Variants in CACNA2D3 observed in about 807,000 individuals in gnomAD.
The protein encoded by CACNA2D3 is voltage-dependent calcium channel subunit alpha-2/delta-3.
A neutral mutation model predicts 160.6 loss-of-function variants in CACNA2D3; 60 were observed. The ratio of observed to expected loss-of-function variants is 0.37; its 90% CI spans 0.30 to 0.46. The LOEUF (loss-of-function observed/expected upper bound fraction) is 0.46, where lower values mean the gene tolerates loss of function less well. Among genes scored for constraint, CACNA2D3 ranks in the 20% least tolerant of loss-of-function variants. The pLI, the probability that CACNA2D3 is intolerant of heterozygous loss-of-function variation, is 1.00. For missense variants in CACNA2D3, 1,205 were observed against 1,365.0 expected (o/e 0.88, Z 1.85); for synonymous variants, 558 against 492.9 (o/e 1.13, Z -1.75).
intron 11 of CACNA2D3, among the ~76,000 whole-genome samples, chr3:54,650,069 C>T (rs1699730529): frequency 6.6e-6 from 1 of 152,188 alleles, no homozygotes; most frequent in South Asian, 2.1e-4. Context: ...TGTTTTGAGC[C>T]ACAGAAGCAG....
chr3:54,847,385 A>C (rs1559603292), intron 17 of CACNA2D3, among the ~76,000 whole-genome samples: 1 of 152,174 alleles, frequency 6.6e-6, no homozygotes, highest in Non-Finnish European at 1.5e-5. Context: ...CACATACACA[A>C]ATGCATACAT....
chr3:54,547,374 C>G (rs1482278836), intron 5 of CACNA2D3, among the ~76,000 whole-genome samples: 1 of 152,162 alleles, frequency 6.6e-6, no homozygotes, highest in African/African-American at 2.4e-5. Flanking sequence ...TCCATCAAAA[C>G]CACCTCAGCA....
At chr3:54,512,438 A>G (rs1406609385) in intron 5 of CACNA2D3, among the ~76,000 whole-genome samples, 1 of 152,222 alleles carries the variant, frequency 6.6e-6, no homozygotes, top group Non-Finnish European at 1.5e-5. Flanking sequence ...TTGTTATAAG[A>G]ATGATGATAG....
chr3:54,284,395 A>G (rs1702958100), intron 2 of CACNA2D3, among the ~76,000 whole-genome samples: 1 of 151,822 alleles, frequency 6.6e-6, no homozygotes, highest in African/African-American at 2.4e-5. Flanking sequence ...GTAATATATT[A>G]TATATTTTAG....
intron 11 of CACNA2D3, among the ~76,000 whole-genome samples, chr3:54,740,735 G>T (rs1701632639): frequency 6.6e-6 from 1 of 152,200 alleles, no homozygotes; most frequent in Non-Finnish European, 1.5e-5. Context: ...TAGGTGAGGT[G>T]ACAGGGGAAA....
chr3:54,358,735 C>G (rs574190412), intron 3 of CACNA2D3, among the ~76,000 whole-genome samples: 2 of 152,268 alleles, frequency 1.3e-5, no homozygotes, highest in East Asian at 1.9e-4. Flanking sequence ...GGGAAATTGT[C>G]TATGAATCAA....
intron 13 of CACNA2D3, among the ~76,000 whole-genome samples, chr3:54,808,590 T>C (rs542858231): frequency 6.6e-6 from 1 of 152,310 alleles, no homozygotes; most frequent in South Asian, 2.1e-4. Flanking sequence ...GGCTTGGGTC[T>C]GGGTAATGTC....
intron 11 of CACNA2D3, among the ~76,000 whole-genome samples, chr3:54,747,239 A>C (rs1373660529): frequency 2.6e-5 from 4 of 152,038 alleles, no homozygotes; most frequent in African/African-American, 4.8e-5. Context: ...GAACCTCGGG[A>C]GGGTGGGTGC....
At chr3:54,831,341 G>A (rs1477482751) in intron 14 of CACNA2D3, among the ~76,000 whole-genome samples, 1 of 152,170 alleles carries the variant, frequency 6.6e-6, no homozygotes, top group Non-Finnish European at 1.5e-5. Context: ...CTGCAGCTTG[G>A]CATTCACCCC....
rs976937489 is a variant in CACNA2D3 at position 54,988,424 on chromosome 3, G to A, written c.2690+671G>A. On this transcript the variant is annotated intron_variant, in intron 31 of 37. Transcript: ENST00000474759. ...CTCTTGGGAATACCTAAACTTCTGG[G>A]AAAAGCCATCATCCCATGAGATCGG... Among the ~76,000 whole-genome samples, 207 of 152,148 alleles carry A rather than the reference G, an allele frequency of 1.4e-3. 2 individuals carry two copies. Among genetic ancestry groups the A allele is most frequent in the Non-Finnish European group, 4.3e-4 (29 of 68,020 alleles).
rs548608770 is a variant in CACNA2D3, at chr3:54,459,070, A to G, written c.382-44422A>G. On this transcript the variant is annotated intron_variant, in intron 4 of 37. Transcript: ENST00000474759. ...AGTTTACTGAGAATGATGATTTCCAATTTCATCCATGTCCCTACAAAGGAC... is the reference window on the plus strand; with the variant it reads ...AGTTTACTGAGAATGATGATTTCCAGTTTCATCCATGTCCCTACAAAGGAC... Among the ~76,000 whole-genome samples the G allele has an allele frequency of 2.4e-3, 367 of 152,024 alleles. 3 individuals are homozygous for G. Among genetic ancestry groups the G allele is most frequent in the African/African-American group, 7.6e-3 (315 of 41,460 alleles).
chr3:54,590,571 C>A (rs1202355134), intron 9 of CACNA2D3, among the ~76,000 whole-genome samples: 1 of 150,952 alleles, frequency 6.6e-6, no homozygotes, highest in East Asian at 1.9e-4. Context: ...TTGAAGAATA[C>A]CAGGTAAAGA....
chr3:54,914,235 A>G (rs1159477662), intron 27 of CACNA2D3, among the ~76,000 whole-genome samples: 4 of 152,266 alleles, frequency 2.6e-5, no homozygotes, highest in South Asian at 4.2e-4. Context: ...TTAATCTCTT[A>G]TGTCAACTCC....
chr3:54,747,208 TC>T (rs1701766825), intron 11 of CACNA2D3, among the ~76,000 whole-genome samples: 2 of 152,084 alleles, frequency 1.3e-5, no homozygotes, highest in Non-Finnish European at 2.9e-5. Context: ...AAAATGTATA[TC>T]CCTGGGCCTA....
intron 21 of CACNA2D3, among the ~76,000 whole-genome samples, chr3:54,881,858 G>A (rs951889354): frequency 6.6e-6 from 1 of 152,210 alleles, no homozygotes; most frequent in Non-Finnish European, 1.5e-5. Context: ...GCCACAGGGC[G>A]TGAGGAAGGA....
At chr3:54,473,899 C>T (rs928528747) in intron 4 of CACNA2D3, among the ~76,000 whole-genome samples, 1 of 152,154 alleles carries the variant, frequency 6.6e-6, no homozygotes, top group Non-Finnish European at 1.5e-5. Flanking sequence ...CGGGAAACAA[C>T]AGATGCTGGA....
At chr3:54,360,375 T>C (rs1163023714) in intron 3 of CACNA2D3, among the ~76,000 whole-genome samples, 7 of 152,220 alleles carry the variant, frequency 4.6e-5, no homozygotes, top group Non-Finnish European at 8.8e-5. Flanking sequence ...ATTCTAGGAA[T>C]CAATTCTGAC....
intron 4 of CACNA2D3, among the ~76,000 whole-genome samples, chr3:54,483,293 T>A (rs1483614677): frequency 6.6e-6 from 1 of 152,028 alleles, no homozygotes; most frequent in Non-Finnish European, 1.5e-5. Flanking sequence ...CCTAAAAAAA[T>A]TTTGTTTTTG....
At chr3:54,818,096 C>T (rs1043453065) in intron 14 of CACNA2D3, among the ~76,000 whole-genome samples, 1 of 152,206 alleles carries the variant, frequency 6.6e-6, no homozygotes, top group Admixed American at 6.5e-5. Flanking sequence ...CACTTATTGA[C>T]ATTTATTCAT....
Sources: allele counts gnomAD v4.1 joint callset (sites outside exome capture counted in the v4.1 genomes callset), GRCh38; gene constraint gnomAD v4.1.1; transcripts MANE v1.5; gene names NCBI Gene and HGNC (gene_info 2026-07-23, HGNC 2026-07-21).